Variants in CFAP92 observed in about 807,000 individuals in gnomAD.
CFAP92 encodes uncharacterized protein CFAP92.
A neutral mutation model predicts 106.3 loss-of-function variants in CFAP92; 86 were observed. The ratio of observed to expected loss-of-function variants is 0.81; its 90% CI spans 0.68 to 0.97. CFAP92 has a LOEUF of 0.97. Among genes scored for constraint, CFAP92 ranks in the 50% least tolerant of loss-of-function variants. CFAP92 has a pLI of 0.00. For missense variants in CFAP92, 1,204 were observed against 1,283.8 expected (o/e 0.94, Z 0.95); for synonymous variants, 477 against 506.4 (o/e 0.94, Z 0.78).
intron 9 of CFAP92, among the ~76,000 whole-genome samples, chr3:128,964,642 C>T (rs149928604): frequency 0.21 from 31,838 of 151,974 alleles, 3,617 homozygotes; most frequent in Middle Eastern, 0.27. Flanking sequence ...AATTCTTAGA[C>T]CTTTTATACC....
intron 8 of CFAP92, chr3:128,969,573 GA>G (rs375452331): frequency 0.041 from 5,820 of 141,794 alleles, 282 homozygotes; most frequent in African/African-American, 0.11. Flanking sequence ...ACTCCATCTC[GA>G]AAAAAAAAAA....
At chr3:129,021,943 T>C in the CFAP92 span, among the ~76,000 whole-genome samples, 1 of 152,186 alleles carries the variant, frequency 6.6e-6, no homozygotes, top group Non-Finnish European at 1.5e-5. Context: ...CATTTTGGAA[T>C]AGCACAGGGC....
At chr3:128,964,769 C>A (rs944553285) in intron 9 of CFAP92, among the ~76,000 whole-genome samples, 1 of 151,786 alleles carries the variant, frequency 6.6e-6, no homozygotes, top group Non-Finnish European at 1.5e-5. Flanking sequence ...CAATATCACC[C>A]CTTACCACAA....
chr3:128,925,751 CAT>C (rs1258033048), intron 12 of CFAP92, among the ~76,000 whole-genome samples: 1 of 152,048 alleles, frequency 6.6e-6, no homozygotes, highest in Non-Finnish European at 1.5e-5. Flanking sequence ...CACCTACAAA[CAT>C]CATCATAAAA....
At chr3:128,943,613 G>A (rs193182265) in intron 10 of CFAP92, among the ~76,000 whole-genome samples, 7 of 151,358 alleles carry the variant, frequency 4.6e-5, no homozygotes, top group African/African-American at 7.3e-5. Flanking sequence ...TCGGCTCACC[G>A]CAACCTCCCT....
upstream of CFAP92, among the ~76,000 whole-genome samples, chr3:129,002,980 C>T (rs1428833317): frequency 6.6e-6 from 1 of 152,142 alleles, no homozygotes; most frequent in African/African-American, 2.4e-5. Context: ...ATCTGGGAGC[C>T]GTCGACAAAC....
At chr3:128,991,648 C>G in intron 2 of CFAP92, 1 of 353,960 alleles carries the variant, frequency 2.8e-6, no homozygotes, top group Non-Finnish European at 4.1e-6. Context: ...ACCTTTGCCC[C>G]GTCCTCACTT....
rs372600808 is a variant in CFAP92, at chr3:128,984,697, T to C, written c.667+2919A>G. On this transcript the variant is annotated intron_variant, in intron 4 of 15. Transcript: ENST00000645291. Reference sequence around the variant, plus strand: ...ATACTCCTTAATAAACTCCCTTTCATATATACATCTATCCTATTAGCCCTT... The same window carrying C: ...ATACTCCTTAATAAACTCCCTTTCACATATACATCTATCCTATTAGCCCTT... Among the ~76,000 whole-genome samples the C allele has an allele frequency of 1.4e-4, 21 of 152,330 alleles. 1 individual carries two copies. The highest frequency in any genetic ancestry group is 4.6e-4 in the Admixed American group (7 of 15,300).
chr3:129,000,876 G>A (rs1944695616), intron 1 of CFAP92, among the ~76,000 whole-genome samples: 1 of 152,162 alleles, frequency 6.6e-6, no homozygotes, highest in Non-Finnish European at 1.5e-5. Flanking sequence ...GTCTCAGATG[G>A]GCTTCTCACC....
Position 128,932,811 on chromosome 3 carries a change from G to A in CFAP92, c.2640C>T (p.His880=), listed in dbSNP as rs1938544899. Residue 880 remains histidine (H), a synonymous_variant, in exon 12 of 16, where the codon CAC becomes CAT. Transcript: ENST00000645291. Reference sequence around the variant, plus strand: ...CTAAGGTGAGGGTGGAGTTCCGACTGTGGTAGTCCTCAAGATTGGGGGCAG... The same window carrying A: ...CTAAGGTGAGGGTGGAGTTCCGACTATGGTAGTCCTCAAGATTGGGGGCAG... ...PQPAPNLEDY[H]SRNSTLTLEI... is the part of the protein sequence containing the mutation. The A allele has an allele frequency of 6.5e-7, 1 of 1,536,276 alleles. No homozygotes were observed. Among genetic ancestry groups the A allele is most frequent in the Non-Finnish European group, 8.7e-7 (1 of 1,146,924 alleles).
At chr3:129,018,263 C>T in the CFAP92 span, among the ~76,000 whole-genome samples, 20 of 152,310 alleles carry the variant, frequency 1.3e-4, no homozygotes, top group South Asian at 1.0e-3. Flanking sequence ...CAGAAGTCAT[C>T]AGTTAAATCC....
upstream of CFAP92, among the ~76,000 whole-genome samples, chr3:128,998,950 T>C (rs866920332): frequency 2.6e-5 from 4 of 152,110 alleles, no homozygotes; most frequent in Admixed American, 1.3e-4. Flanking sequence ...CATGCCCAAA[T>C]ACATAGAAAA....
At chr3:128,997,243 C>T (rs1447102515), upstream of CFAP92, among the ~76,000 whole-genome samples, 7 of 152,196 alleles carry the variant, frequency 4.6e-5, no homozygotes, top group African/African-American at 1.7e-4. Context: ...AAGACTCTGG[C>T]AGCTGGAAGC....
In CFAP92 at chr3:129,002,231, G is replaced by T. The variant is rs1335711571; in HGVS notation, n.117+343C>A. 9.2e-6 allele frequency: 14 copies of T among 1,528,778 alleles called. No individual in the cohort carries two copies. In the East Asian group the frequency reaches 2.8e-4, roughly 31 times the overall value. The allele number at this position is 1,528,778 out of a possible 1,614,324, so 94.7% of individuals were successfully genotyped here. On this transcript the variant is annotated intron_variant and non_coding_transcript_variant, in intron 1 of 4. Coordinates refer to the CFAP92 transcript ENST00000510149. Reference sequence around the variant, plus strand: ...GCGGTCCTGACTGTGAGCGCGTTGCGCGGCTGGAGGAGGAGAATAGCAGCT... The same window carrying T: ...GCGGTCCTGACTGTGAGCGCGTTGCTCGGCTGGAGGAGGAGAATAGCAGCT...
chr3:128,915,007 G>C (rs749874866), intron 15 of CFAP92, 112 bp downstream of exon 15: 12 of 1,050,972 alleles, frequency 1.1e-5, no homozygotes, highest in Non-Finnish European at 1.6e-5. Context: ...AGCATAGAAA[G>C]TTTGGTTGAT....
intron 9 of CFAP92, 137 bp from the exon 10 acceptor site, chr3:128,946,112 A>G: frequency 5.3e-6 from 3 of 568,236 alleles, no homozygotes; most frequent in Non-Finnish European, 8.8e-6. Context: ...CAAAATATCC[A>G]TAAGAGACAC....
At chr3:128,997,768 T>G (rs898332186), upstream of CFAP92, among the ~76,000 whole-genome samples, 3 of 152,320 alleles carry the variant, frequency 2.0e-5, no homozygotes, top group Admixed American at 6.5e-5. Context: ...GCTATGAACA[T>G]TCCCACACAA....
chr3:128,927,372 A>T (rs1937785550), intron 12 of CFAP92, among the ~76,000 whole-genome samples: 1 of 152,160 alleles, frequency 6.6e-6, no homozygotes, highest in Non-Finnish European at 1.5e-5. Flanking sequence ...ACCTTTCTTC[A>T]CAGATGACGT....
chr3:128,978,447 G>T (rs1285941457), intron 4 of CFAP92: 2 of 280,170 alleles, frequency 7.1e-6, no homozygotes, highest in Non-Finnish European at 1.3e-5. Flanking sequence ...CCTTATTGGG[G>T]CCAGATACGG....
Sources: gnomAD v4.1 joint callset for allele counts (sites outside exome capture counted in the v4.1 genomes callset) on GRCh38, gnomAD v4.1.1 for gene constraint, MANE v1.5 for transcripts, NCBI Gene and HGNC (gene_info 2026-07-23, HGNC 2026-07-21) for gene names.